Variants in TNFSF4 observed in about 807,000 individuals in gnomAD.
The protein encoded by TNFSF4 is TNF superfamily member 4.
In TNFSF4, 4 loss-of-function variants were observed where a neutral mutation model predicts 7.3. The ratio of observed to expected loss-of-function variants is 0.55; its 90% confidence interval spans 0.27 to 1.25. The LOEUF (loss-of-function observed/expected upper bound fraction) is 1.25, where lower values mean the gene tolerates loss of function less well. TNFSF4 is among the 50% of genes most tolerant of loss of function. The probability of loss-of-function intolerance (pLI) is 0.12; values close to 1 mark genes in which losing one functional copy is unlikely to be tolerated. For missense variants in TNFSF4, 181 were observed against 208.8 expected (o/e 0.87, Z 0.82); for synonymous variants, 76 against 83.7 (o/e 0.91, Z 0.50).
At chr1:173,344,384 C>T in the TNFSF4 span, among the ~76,000 whole-genome samples, 1 of 152,138 alleles carries the variant, frequency 6.6e-6, no homozygotes. Context: ...CTTGAGAAAC[C>T]GTTTAAACTC....
chr1:173,178,967 A>T (rs945677879), downstream of TNFSF4, among the ~76,000 whole-genome samples: 1 of 152,196 alleles, frequency 6.6e-6, no homozygotes, highest in Non-Finnish European at 1.5e-5. Flanking sequence ...ATGATACAGG[A>T]CTATTAACCA....
chr1:173,441,928 T>A, the TNFSF4 span: 1 of 152,382 alleles, frequency 6.6e-6, no homozygotes, highest in African/African-American at 2.4e-5. Flanking sequence ...CCAGGTTTGC[T>A]GACGAAGGTC....
chr1:173,266,095 G>A, the TNFSF4 span, among the ~76,000 whole-genome samples: 2 of 152,152 alleles, frequency 1.3e-5, no homozygotes, highest in Non-Finnish European at 2.9e-5. Context: ...ATTAATGAAT[G>A]TAAAGAGTGT....
chr1:173,437,022 T>C, the TNFSF4 span, among the ~76,000 whole-genome samples: 10 of 152,286 alleles, frequency 6.6e-5, no homozygotes, highest in African/African-American at 1.9e-4. Flanking sequence ...TGATTTATGG[T>C]GAGGGCTTTG....
chr1:173,360,646 A>G, the TNFSF4 span, among the ~76,000 whole-genome samples: 1 of 152,338 alleles, frequency 6.6e-6, no homozygotes, highest in East Asian at 1.9e-4. Flanking sequence ...ACTGCAAGTG[A>G]CAGAAACAGG....
At chr1:173,193,295 A>G in intron 1 of TNFSF4, among the ~76,000 whole-genome samples, 1 of 152,222 alleles carries the variant, frequency 6.6e-6, no homozygotes, top group South Asian at 2.1e-4. Context: ...AGCACAGTCT[A>G]TAGACTAAAG....
the TNFSF4 span, among the ~76,000 whole-genome samples, chr1:173,374,673 T>C: frequency 1.3e-5 from 2 of 152,224 alleles, no homozygotes; most frequent in Non-Finnish European, 2.9e-5. Context: ...TTAACACCTC[T>C]CTTTGCCCCT....
chr1:173,442,304 G>C, the TNFSF4 span, among the ~76,000 whole-genome samples: 880 of 152,114 alleles, frequency 5.8e-3, 4 homozygotes, highest in South Asian at 0.011. Context: ...CCTTCATTCA[G>C]GAAAAACAGG....
chr1:173,199,486 T>C (rs1176265822), intron 1 of TNFSF4, among the ~76,000 whole-genome samples: 1 of 152,072 alleles, frequency 6.6e-6, no homozygotes, highest in East Asian at 1.9e-4. Context: ...CATGTGAATA[T>C]AGAGGCAGAG....
At chr1:173,271,176 T>G in the TNFSF4 span, among the ~76,000 whole-genome samples, 54 of 152,284 alleles carry the variant, frequency 3.5e-4, no homozygotes, top group Middle Eastern at 3.4e-3. Context: ...TTTTGGCTTT[T>G]GTTGCCATTG....
At chr1:173,175,389 AC>A in the TNFSF4 span, 3 of 152,356 alleles carry the variant, frequency 2.0e-5, no homozygotes, top group East Asian at 5.8e-4. Flanking sequence ...AGAATTTTTA[AC>A]AAATATTTGT....
At chr1:173,265,254 A>G in the TNFSF4 span, among the ~76,000 whole-genome samples, 15 of 152,360 alleles carry the variant, frequency 9.8e-5, no homozygotes, top group African/African-American at 3.6e-4. Flanking sequence ...ATATTCCTAT[A>G]GCCGGGCAGT....
At chr1:173,218,301 A>T in the TNFSF4 span, among the ~76,000 whole-genome samples, 1 of 152,158 alleles carries the variant, frequency 6.6e-6, no homozygotes, top group Non-Finnish European at 1.5e-5. Flanking sequence ...TCACTTTGAT[A>T]TTCCAGACTG....
chr1:173,378,627 G>A, the TNFSF4 span, among the ~76,000 whole-genome samples: 1 of 152,162 alleles, frequency 6.6e-6, no homozygotes, highest in Non-Finnish European at 1.5e-5. Context: ...CTATCCTGCA[G>A]CTTGATCTTT....
chr1:173,315,121 G>C, the TNFSF4 span, among the ~76,000 whole-genome samples: 1 of 152,096 alleles, frequency 6.6e-6, no homozygotes, highest in South Asian at 2.1e-4. Flanking sequence ...CATTTTTTAC[G>C]TGTGACCTAA....
the TNFSF4 span, among the ~76,000 whole-genome samples, chr1:173,222,229 C>T: frequency 3.1e-4 from 47 of 152,058 alleles, no homozygotes; most frequent in Middle Eastern, 0.014. Flanking sequence ...TGGGTACTCT[C>T]CCATGGGTGG....
the TNFSF4 span, among the ~76,000 whole-genome samples, chr1:173,253,961 G>A: frequency 6.6e-6 from 1 of 152,196 alleles, no homozygotes; most frequent in Non-Finnish European, 1.5e-5. Flanking sequence ...TGGAGAGATG[G>A]AGGCATTAGG....
At chr1:173,307,796 T>G in the TNFSF4 span, among the ~76,000 whole-genome samples, 36 of 152,014 alleles carry the variant, frequency 2.4e-4, no homozygotes, top group Middle Eastern at 3.4e-3. Context: ...TATGACAAAA[T>G]AGTAACACTT....
chr1:173,383,989 C>A, the TNFSF4 span, among the ~76,000 whole-genome samples: 1 of 152,156 alleles, frequency 6.6e-6, no homozygotes. Context: ...ATCATGATGA[C>A]CATCATCATC....
Sources: allele counts gnomAD v4.1 joint callset (sites outside exome capture counted in the v4.1 genomes callset), GRCh38; gene constraint gnomAD v4.1.1; transcripts MANE v1.5; gene names NCBI Gene and HGNC (gene_info 2026-07-23, HGNC 2026-07-21).